RNF214: variants seen among roughly 807,000 people sequenced by gnomAD.
RNF214 encodes the protein ring finger protein 214.
A neutral mutation model predicts 75.9 loss-of-function variants in RNF214; 25 were observed. That is an observed-to-expected ratio of 0.33 (90% CI 0.24 to 0.46). The LOEUF is 0.46. Ranked by LOEUF, RNF214 falls within the 20% of genes least tolerant of loss-of-function variation. The pLI, the probability that RNF214 is intolerant of heterozygous loss-of-function variation, is 1.00. For missense variants in RNF214, 725 were observed against 857.5 expected (o/e 0.85, Z 1.93); for synonymous variants, 314 against 308.8 (o/e 1.02, Z -0.18).
intron 5 of RNF214, 102 bp from the exon 6 acceptor site, chr11:117,246,707 G>A (rs2033234820): frequency 2.5e-6 from 3 of 1,196,776 alleles, no homozygotes; most frequent in Non-Finnish European, 3.4e-6. Context: ...ATTCACTAAA[G>A]TCAATACGTG....
intron 6 of RNF214, among the ~76,000 whole-genome samples, chr11:117,276,969 T>C (rs2034027210): frequency 6.6e-6 from 1 of 152,270 alleles, no homozygotes; most frequent in Non-Finnish European, 1.5e-5. Flanking sequence ...ATTCTGACTC[T>C]TCATATATTT....
chr11:117,276,110 C>G (rs564358931), intron 6 of RNF214, among the ~76,000 whole-genome samples: 1 of 152,044 alleles, frequency 6.6e-6, no homozygotes, highest in African/African-American at 2.4e-5. Context: ...ATGTGATTCA[C>G]CACATAAACC....
chr11:117,274,647 G>T (rs1190426344), intron 6 of RNF214, among the ~76,000 whole-genome samples: 1 of 148,832 alleles, frequency 6.7e-6, no homozygotes, highest in East Asian at 2.0e-4. Context: ...GGGATTACAG[G>T]CGTGAGCGAC....
chr11:117,235,351 T>A (rs59654783), intron 2 of RNF214, among the ~76,000 whole-genome samples: 1 of 151,518 alleles, frequency 6.6e-6, no homozygotes, highest in Non-Finnish European at 1.5e-5. Flanking sequence ...CGCCCGCCAC[T>A]ACGCCCGGCT....
intron 6 of RNF214, among the ~76,000 whole-genome samples, chr11:117,247,341 A>G (rs974256894): frequency 1.6e-4 from 25 of 152,092 alleles, no homozygotes; most frequent in African/African-American, 6.0e-4. Context: ...AATATTAAAA[A>G]AAAATTAGCT....
At chr11:117,252,872 T>C (rs1402071709) in intron 6 of RNF214, among the ~76,000 whole-genome samples, 1 of 152,182 alleles carries the variant, frequency 6.6e-6, no homozygotes, top group East Asian at 1.9e-4. Context: ...TGGTAATTAT[T>C]TGATAAGTGT....
At chr11:117,271,115 G>T (rs1199691254) in intron 6 of RNF214, among the ~76,000 whole-genome samples, 2 of 151,682 alleles carry the variant, frequency 1.3e-5, no homozygotes, top group African/African-American at 4.9e-5. Context: ...GCCCAGTCTG[G>T]TCTCAAACTC....
intron 4 of RNF214, among the ~76,000 whole-genome samples, chr11:117,241,908 T>C (rs912025423): frequency 3.3e-5 from 5 of 152,224 alleles, no homozygotes; most frequent in African/African-American, 1.2e-4. Flanking sequence ...ATAATTACTT[T>C]ATAATACAGT....
At chr11:117,232,894 CGG>C (rs983010281) in intron 1 of RNF214, 168 bp downstream of exon 1, 1 of 28,560 alleles carries the variant, frequency 3.5e-5, no homozygotes, top group Admixed American at 5.3e-4. Flanking sequence ...AGAAGTGGGA[CGG>C]GGGGGTGGCT....
Position 117,282,062 on chromosome 11 carries a change from C to G in RNF214, c.1504C>G (p.Pro502Ala), listed in dbSNP as rs1377927243. The G allele has an allele frequency of 6.2e-7, 1 of 1,614,126 alleles. No homozygotes were observed. Among genetic ancestry groups the G allele is most frequent in the Non-Finnish European group, 8.5e-7 (1 of 1,180,020 alleles). ...TTCCCAGCCCAGCCAGCCTTCCTCA[C>G]CCCTTCCTGGCTCCCATGGCAGAAA... ...ALSQPSQPSSPLPGSHGRNSP... is the reference protein window; with the variant it reads ...ALSQPSQPSSALPGSHGRNSP... Residue 502 changes from proline (P) to alanine (A), a missense_variant, in exon 11 of 15, where the codon CCC (proline) becomes GCC (alanine). This residue lies in a region of RNF214 where 363 missense variants were observed against 513.0 expected (regional missense o/e 0.71). Coordinates refer to ENST00000300650, the MANE Select transcript of RNF214 (RefSeq NM_207343.4).
At chr11:117,273,834 C>A (rs2033958158) in intron 6 of RNF214, among the ~76,000 whole-genome samples, 1 of 152,166 alleles carries the variant, frequency 6.6e-6, no homozygotes, top group East Asian at 1.9e-4. Context: ...TGAGTCAGCT[C>A]CTCTGGGATC....
At chr11:117,245,040 G>A (rs1188811697) in intron 5 of RNF214, among the ~76,000 whole-genome samples, 3 of 151,610 alleles carry the variant, frequency 2.0e-5, no homozygotes, top group Non-Finnish European at 2.9e-5. Context: ...AAGGCAAGGC[G>A]GGGTGTGGTG....
intron 6 of RNF214, among the ~76,000 whole-genome samples, chr11:117,259,728 G>A (rs1171869766): frequency 2.6e-5 from 4 of 152,042 alleles, no homozygotes; most frequent in Non-Finnish European, 4.4e-5. Flanking sequence ...TTTATTTTGG[G>A]AAGTGTCTAA....
At chr11:117,233,252 G>C (rs1311871032) in intron 1 of RNF214, among the ~76,000 whole-genome samples, 15 of 152,228 alleles carry the variant, frequency 9.9e-5, no homozygotes, top group Admixed American at 9.8e-4. Flanking sequence ...CCTGGGCTAT[G>C]TTGGAGACGG....
intron 6 of RNF214, among the ~76,000 whole-genome samples, chr11:117,266,002 A>G (rs545496699): frequency 1.7e-4 from 26 of 152,286 alleles, no homozygotes; most frequent in African/African-American, 6.0e-4. Flanking sequence ...TTTACTCAGT[A>G]TATTTTTGAG....
intron 6 of RNF214, among the ~76,000 whole-genome samples, chr11:117,268,651 A>C (rs1229354306): frequency 6.6e-6 from 1 of 152,176 alleles, no homozygotes; most frequent in Non-Finnish European, 1.5e-5. Flanking sequence ...TTTTTTCCAA[A>C]ATTGTTTTGA....
intron 6 of RNF214, among the ~76,000 whole-genome samples, chr11:117,248,984 C>T (rs745995253): frequency 7.9e-5 from 12 of 151,888 alleles, no homozygotes; most frequent in Non-Finnish European, 1.2e-4. Flanking sequence ...AGTGCAGTGG[C>T]GCAATCTCGG....
At chr11:117,280,979 G>C (rs1019564427) in intron 8 of RNF214, among the ~76,000 whole-genome samples, 4 of 135,272 alleles carry the variant, frequency 3.0e-5, no homozygotes, top group Non-Finnish European at 4.6e-5. Flanking sequence ...ATTAGGAATA[G>C]GGCTTTTTTT....
intron 6 of RNF214, among the ~76,000 whole-genome samples, chr11:117,274,153 C>T (rs1016330457): frequency 1.3e-5 from 2 of 151,944 alleles, no homozygotes; most frequent in Non-Finnish European, 2.9e-5. Flanking sequence ...GAATTTCATA[C>T]AGTTTATAGG....
Sources: gnomAD v4.1 joint callset for allele counts (sites outside exome capture counted in the v4.1 genomes callset) on GRCh38, gnomAD v4.1.1 for gene constraint, gnomAD v4.1.1 regional missense constraint, MANE v1.5 for transcripts, NCBI Gene and HGNC (gene_info 2026-07-23, HGNC 2026-07-21) for gene names.